SNUPN: variants seen among roughly 807,000 people sequenced by gnomAD.
The protein encoded by SNUPN is snurportin 1, also known as snurportin-1.
A neutral mutation model predicts 39.2 loss-of-function variants in SNUPN; 31 were observed. The ratio of observed to expected loss-of-function variants is 0.79; its 90% CI spans 0.59 to 1.07. The LOEUF (loss-of-function observed/expected upper bound fraction) is 1.07, where lower values mean the gene tolerates loss of function less well. Among genes scored for constraint, SNUPN ranks in the 50% least tolerant of loss-of-function variants. SNUPN has a pLI of 0.00. For missense variants in SNUPN, 382 were observed against 434.2 expected (o/e 0.88, Z 1.07); for synonymous variants, 132 against 159.0 (o/e 0.83, Z 1.28).
chr15:75,622,264 T>TA, intron 1 of SNUPN: 2 of 667,268 alleles, frequency 3.0e-6, no homozygotes, highest in Non-Finnish European at 3.7e-6. Flanking sequence ...ATCTGATTGT[T>TA]ACTTCCTCAT....
At position 75,605,301 on chromosome 15, in the gene SNUPN, T is replaced by C. The variant is rs1227623973; in HGVS notation, c.601-74A>G. 4 of 880,562 alleles carry C rather than the reference T, an allele frequency of 4.5e-6. No individual in the cohort carries two copies. The African/African-American group carries it at 5.2e-5, about 11-fold the overall frequency. 54.5% of individuals were successfully genotyped at this position (880,562 alleles called of 1,614,324 possible). ...CTCTAATATAAACAAAAACACCCCA[T>C]GCTATTTTTTTTTTTTTTTTTTTGA... is the stretch of plus-strand genomic sequence containing the variant. On this transcript the variant is annotated intron_variant, in intron 6 of 8. Coordinates refer to ENST00000308588, the MANE Select transcript of SNUPN (RefSeq NM_005701.4).
At chr15:75,626,264 T>C (rs1471566186), upstream of SNUPN, 1 of 152,244 alleles carries the variant, frequency 6.6e-6, no homozygotes, top group Non-Finnish European at 1.5e-5. Context: ...TTTGCTGCTT[T>C]TGCGAGCTTC....
intron 1 of SNUPN, among the ~76,000 whole-genome samples, chr15:75,623,506 G>A (rs954346059): frequency 1.3e-4 from 19 of 150,060 alleles, no homozygotes; most frequent in Non-Finnish European, 2.7e-4. Context: ...CTACAGTGGT[G>A]TGATCTCGGC....
chr15:75,606,450 G>A (rs2075331730), intron 6 of SNUPN, among the ~76,000 whole-genome samples: 2 of 151,934 alleles, frequency 1.3e-5, no homozygotes, highest in Non-Finnish European at 2.9e-5. Context: ...ACTACACACC[G>A]AGAACCACTA....
chr15:75,622,271 T>C, intron 1 of SNUPN: 2 of 731,602 alleles, frequency 2.7e-6, no homozygotes, highest in Non-Finnish European at 3.3e-6. Flanking sequence ...TGTTACTTCC[T>C]CATATTCTAG....
At position 75,609,934 on chromosome 15, in the gene SNUPN, C is replaced by T. The variant is rs116793386; in HGVS notation, c.364G>A (p.Val122Ile). The T allele has an allele frequency of 5.9e-4, 949 of 1,614,104 alleles. 5 individuals are homozygous for T. In the African/African-American group the frequency reaches 0.011, roughly 18 times the overall value. The change falls in exon 4 of 9, where the codon GTC becomes ATC. Residue 122 changes from valine to isoleucine, a missense_variant. Val to Ile is a conservative substitution (Grantham distance 29, BLOSUM62 3). Coordinates refer to ENST00000308588, the MANE Select transcript of SNUPN (RefSeq NM_005701.4). ...PSDLGQEWIVVVCPVGKRALI... is the reference protein window; with the variant it reads ...PSDLGQEWIVIVCPVGKRALI... The stretch of plus-strand genomic sequence containing the variant: ...GCTCTTTTTCCAACAGGGCACACGA[C>T]CACAATCCATTCCTGCCCCAAATCT...
At chr15:75,622,965 C>A (rs1397115171) in intron 1 of SNUPN, among the ~76,000 whole-genome samples, 2 of 152,158 alleles carry the variant, frequency 1.3e-5, no homozygotes, top group South Asian at 2.1e-4. Context: ...TATAGCAAGA[C>A]CTTGTCTGTA....
upstream of SNUPN, chr15:75,626,316 C>T (rs1470576250): frequency 1.3e-5 from 2 of 152,216 alleles, no homozygotes; most frequent in African/African-American, 4.8e-5. Flanking sequence ...AGGGACCTGG[C>T]TTGATTCCTA....
chr15:75,602,406 G>A (rs1191530600), intron 7 of SNUPN, among the ~76,000 whole-genome samples: 1 of 150,234 alleles, frequency 6.7e-6, no homozygotes, highest in Admixed American at 6.7e-5. Flanking sequence ...CATGCCAGTA[G>A]TCCCAGCTAC....
intron 6 of SNUPN, 64 bp from the exon 7 acceptor site, chr15:75,605,291 A>T (rs915510830): frequency 1.7e-6 from 2 of 1,190,754 alleles, no homozygotes; most frequent in Middle Eastern, 2.0e-4. Flanking sequence ...ATATAAACAA[A>T]AACACCCCAT....
chr15:75,606,669 T>C (rs75772464), intron 6 of SNUPN, among the ~76,000 whole-genome samples: 5,470 of 152,212 alleles, frequency 0.036, 130 homozygotes, highest in Middle Eastern at 0.16. Context: ...GGGGAGAATA[T>C]TGGGGCCTCT....
intron 2 of SNUPN, among the ~76,000 whole-genome samples, chr15:75,618,745 C>T (rs564040231): frequency 2.0e-5 from 3 of 152,118 alleles, no homozygotes; most frequent in African/African-American, 2.4e-5. Context: ...GGTCTTTTAT[C>T]TCGAGAATAA....
chr15:75,607,023 C>T (rs947201282), intron 6 of SNUPN, among the ~76,000 whole-genome samples, 193 bp downstream of exon 6: 2 of 152,170 alleles, frequency 1.3e-5, no homozygotes, highest in African/African-American at 4.8e-5. Context: ...CTCTTAGTTC[C>T]TCCTATTTCT....
At chr15:75,605,000 T>C in intron 7 of SNUPN, 150 bp downstream of exon 7, 1 of 575,838 alleles carries the variant, frequency 1.7e-6, no homozygotes, top group South Asian at 2.3e-5. Context: ...AAGCCAAAAA[T>C]GGAATTCAGA....
intron 1 of SNUPN, among the ~76,000 whole-genome samples, chr15:75,623,924 A>ATTT (rs1480845019): frequency 1.5e-5 from 2 of 137,156 alleles, no homozygotes; most frequent in African/African-American, 5.6e-5. Context: ...TTCATGATAA[A>ATTT]ATTTTTTTTT....
intron 2 of SNUPN, among the ~76,000 whole-genome samples, chr15:75,620,227 G>C (rs557564442): frequency 6.6e-6 from 1 of 152,122 alleles, no homozygotes; most frequent in African/African-American, 2.4e-5. Flanking sequence ...AATGCAGACT[G>C]TATGGAAACT....
intron 6 of SNUPN, among the ~76,000 whole-genome samples, 185 bp downstream of exon 6, chr15:75,607,031 T>C (rs1166496370): frequency 2.6e-5 from 4 of 152,130 alleles, no homozygotes; most frequent in Admixed American, 6.5e-5. Flanking sequence ...TCCTCCTATT[T>C]CTCTTTTAAA....
At position 75,598,600 on chromosome 15, in the gene SNUPN, T is replaced by A. The variant is rs1274896983; in HGVS notation, c.841A>T (p.Met281Leu). ...GCTACACCAAGGACATCTGACACCA[T>A]GTAGGGGCGCAGCCAGCCCACCAAG... ...TPLVGWLRPY[M>L]VSDVLGVAVP... The change falls in exon 9 of 9, where the codon ATG (methionine) becomes TTG (leucine). Residue 281 changes from methionine (M) to leucine (L), a missense_variant. Met to Leu is a conservative substitution (Grantham distance 15). Coordinates refer to ENST00000308588, the MANE Select transcript of SNUPN (RefSeq NM_005701.4). 4 of 1,613,962 alleles carry A rather than the reference T, an allele frequency of 2.5e-6. No homozygotes were observed. Among genetic ancestry groups the A allele is most frequent in the Non-Finnish European group, 2.5e-6 (3 of 1,179,954 alleles).
chr15:75,602,403 G>A lies in SNUPN; in HGVS notation c.679-1185C>T, dbSNP rs779657363. Among the ~76,000 whole-genome samples the A allele has an allele frequency of 2.6e-5, 4 of 151,132 alleles. No individual in the cohort carries two copies. In the East Asian group the frequency reaches 8.0e-4, roughly 30 times the overall value. On this transcript the variant is annotated intron_variant, in intron 7 of 8. Transcript: ENST00000308588. ...TAGCCAGGCATGGTGGTACATGCCAGTAGTCCCAGCTACTTGGGAGGCTGA... is the reference window on the plus strand; with the variant it reads ...TAGCCAGGCATGGTGGTACATGCCAATAGTCCCAGCTACTTGGGAGGCTGA...
Sources: gnomAD v4.1 joint callset for allele counts (sites outside exome capture counted in the v4.1 genomes callset) on GRCh38, gnomAD v4.1.1 for gene constraint, MANE v1.5 for transcripts, NCBI Gene and HGNC (gene_info 2026-07-23, HGNC 2026-07-21) for gene names.